Variants in TANGO6 observed in about 807,000 individuals in gnomAD.
TANGO6 encodes transport and golgi organization 6 homolog.
TANGO6 carries 90 observed loss-of-function variants against 114.2 expected under a neutral mutation model. The ratio of observed to expected loss-of-function variants is 0.79; its 90% confidence interval spans 0.66 to 0.94. TANGO6 has a LOEUF of 0.94. Ranked by LOEUF, TANGO6 falls within the 40% of genes least tolerant of loss-of-function variation. TANGO6 has a pLI of 0.00. For missense variants in TANGO6, 1,274 were observed against 1,315.3 expected, an observed-to-expected ratio of 0.97 and a Z score of 0.49; for synonymous variants, 477 against 509.8, an observed-to-expected ratio of 0.94 and a Z score of 0.87.
chr16:69,066,625 T>G (rs945645541), intron 17 of TANGO6, among the ~76,000 whole-genome samples: 6 of 152,162 alleles, frequency 3.9e-5, no homozygotes, highest in African/African-American at 1.2e-4. Flanking sequence ...TCCTTGGTGG[T>G]AAACCCAATT....
At chr16:69,054,324 A>G (rs1959998661) in intron 17 of TANGO6, among the ~76,000 whole-genome samples, 1 of 152,326 alleles carries the variant, frequency 6.6e-6, no homozygotes, top group South Asian at 2.1e-4. Flanking sequence ...ACCTGGATGC[A>G]GAGAGTAGTA....
chr16:69,062,661 C>T (rs1960138796), intron 17 of TANGO6, among the ~76,000 whole-genome samples: 2 of 151,118 alleles, frequency 1.3e-5, no homozygotes, highest in South Asian at 4.2e-4. Flanking sequence ...TTAGTAGTGA[C>T]AGGGTTTCAC....
chr16:69,069,460 C>G (rs951931538), intron 17 of TANGO6, among the ~76,000 whole-genome samples: 1 of 152,168 alleles, frequency 6.6e-6, no homozygotes, highest in Non-Finnish European at 1.5e-5. Context: ...CATACCACAC[C>G]TAATGCTTAT....
chr16:68,938,371 G>A (rs1190543424), intron 14 of TANGO6, among the ~76,000 whole-genome samples: 3 of 152,126 alleles, frequency 2.0e-5, no homozygotes, highest in Admixed American at 6.6e-5. Flanking sequence ...GACAGCAGTG[G>A]GTAAAATGAG....
At chr16:68,930,550 C>A (rs749219786) in intron 14 of TANGO6, among the ~76,000 whole-genome samples, 7 of 151,594 alleles carry the variant, frequency 4.6e-5, no homozygotes, top group Non-Finnish European at 5.9e-5. Context: ...TAGATTAAAT[C>A]GTATTTCCTC....
At chr16:69,004,605 C>T (rs1381273977) in intron 15 of TANGO6, among the ~76,000 whole-genome samples, 1 of 152,184 alleles carries the variant, frequency 6.6e-6, no homozygotes, top group African/African-American at 2.4e-5. Context: ...CCGCCCGCCT[C>T]AACCTCCCTA....
At chr16:68,928,623 A>G (rs1359696131) in intron 13 of TANGO6, among the ~76,000 whole-genome samples, 2 of 151,998 alleles carry the variant, frequency 1.3e-5, no homozygotes, top group Non-Finnish European at 2.9e-5. Flanking sequence ...CATGCAAGAA[A>G]TGCTGTGGGC....
chr16:68,847,475 G>T (rs7197744), intron 1 of TANGO6, among the ~76,000 whole-genome samples: 16,638 of 152,110 alleles, frequency 0.11, 927 homozygotes, highest in Non-Finnish European at 0.13. Flanking sequence ...CATTAAAGGG[G>T]CTCTGGAAAA....
In TANGO6 at chr16:68,892,754, A is replaced by G. The variant is rs925826931; in HGVS notation, c.1378-7680A>G. The stretch of plus-strand genomic sequence containing the variant: ...GGTCTTGAACTCCTTACCTCAGGCA[A>G]TCTGCCCGCCTTGGCCTCCCAAAGT... On this transcript the variant is annotated intron_variant, in intron 7 of 17. Transcript: ENST00000261778. Among the ~76,000 whole-genome samples, 8 of 152,194 alleles carry G rather than the reference A, an allele frequency of 5.3e-5. No individual in the cohort carries two copies. The East Asian group carries it at 1.4e-3, about 26-fold the overall frequency.
chr16:68,951,774 A>G (rs1161161823), intron 14 of TANGO6, among the ~76,000 whole-genome samples: 1 of 151,846 alleles, frequency 6.6e-6, no homozygotes, highest in Non-Finnish European at 1.5e-5. Context: ...CACCACGCCC[A>G]GCTAATTTTT....
intron 7 of TANGO6, among the ~76,000 whole-genome samples, chr16:68,898,922 CT>C (rs1962745323): frequency 6.7e-6 from 1 of 150,312 alleles, no homozygotes. Context: ...TTTTGTACTT[CT>C]TAAGATACTT....
chr16:68,874,520 T>G (rs1962326455), intron 4 of TANGO6, among the ~76,000 whole-genome samples: 1 of 152,138 alleles, frequency 6.6e-6, no homozygotes, highest in South Asian at 2.1e-4. Flanking sequence ...ACAGTTTAAA[T>G]GAAATGATAC....
At chr16:68,867,437 C>A (rs963608124) in intron 4 of TANGO6, 1 of 524,176 alleles carries the variant, frequency 1.9e-6, no homozygotes, top group African/African-American at 1.9e-5. Context: ...TTGTGATACA[C>A]TGCCTATTTT....
At chr16:69,010,613 CT>C (rs1013891271) in intron 15 of TANGO6, among the ~76,000 whole-genome samples, 27 of 152,180 alleles carry the variant, frequency 1.8e-4, no homozygotes, top group Admixed American at 1.7e-3. Context: ...TTGTCTGCCC[CT>C]ATGAGAATCC....
At chr16:68,854,027 A>G (rs1055229386) in intron 1 of TANGO6, among the ~76,000 whole-genome samples, 3 of 152,156 alleles carry the variant, frequency 2.0e-5, no homozygotes, top group Non-Finnish European at 2.9e-5. Flanking sequence ...TGCGTTTGTC[A>G]TATATATGTA....
intron 15 of TANGO6, among the ~76,000 whole-genome samples, chr16:69,014,458 T>C (rs1178312290): frequency 6.6e-6 from 1 of 152,084 alleles, no homozygotes; most frequent in African/African-American, 2.4e-5. Flanking sequence ...CTTAGACCAA[T>C]GGAAACTGTA....
intron 15 of TANGO6, among the ~76,000 whole-genome samples, chr16:69,011,340 C>A (rs901671599): frequency 1.3e-5 from 2 of 151,828 alleles, no homozygotes; most frequent in Non-Finnish European, 2.9e-5. Context: ...GAGTGGAATT[C>A]TTTTTCTTAC....
chr16:68,952,608 C>T (rs1033290991), intron 14 of TANGO6, among the ~76,000 whole-genome samples: 3 of 152,164 alleles, frequency 2.0e-5, no homozygotes, highest in Non-Finnish European at 4.4e-5. Flanking sequence ...TCAATTACCC[C>T]CTCTCAGGTC....
intron 14 of TANGO6, among the ~76,000 whole-genome samples, chr16:68,934,552 G>C (rs1385789794): frequency 1.3e-5 from 2 of 152,132 alleles, no homozygotes; most frequent in African/African-American, 4.8e-5. Flanking sequence ...ACCTGCAGCT[G>C]AGAGGCCAAA....
Sources: gnomAD v4.1 joint callset for allele counts (sites outside exome capture counted in the v4.1 genomes callset) on GRCh38, gnomAD v4.1.1 for gene constraint, MANE v1.5 for transcripts, NCBI Gene and HGNC (gene_info 2026-07-23, HGNC 2026-07-21) for gene names.